SMURF1: variants seen among roughly 807,000 people sequenced by gnomAD.
The protein encoded by SMURF1 is SMAD specific E3 ubiquitin protein ligase 1.
Under a neutral mutation model 98.0 loss-of-function variants are expected in SMURF1, and 44 were observed. That is an observed-to-expected ratio of 0.45 (90% CI 0.35 to 0.58). The LOEUF (loss-of-function observed/expected upper bound fraction) is 0.58. Among genes scored for constraint, SMURF1 ranks in the 20% least tolerant of loss-of-function variants. The pLI, the probability that SMURF1 is intolerant of heterozygous loss-of-function variation, is 0.00. For missense variants in SMURF1, 687 were observed against 938.4 expected (o/e 0.73, Z 3.50); for synonymous variants, 396 against 374.9 (o/e 1.06, Z -0.65).
chr7:99,104,002 C>T (rs1292141137), intron 1 of SMURF1, among the ~76,000 whole-genome samples: 7 of 151,746 alleles, frequency 4.6e-5, no homozygotes, highest in South Asian at 2.1e-4. Context: ...AAGCAATTCT[C>T]GTGCCTCAGC....
chr7:99,040,627 C>G, intron 12 of SMURF1, 71 bp from the exon 13 acceptor site: 1 of 1,330,840 alleles, frequency 7.5e-7, no homozygotes, highest in Non-Finnish European at 9.7e-7. Context: ...CGTGCTGTCC[C>G]CAAGCTTCTT....
chr7:99,102,178 T>C (rs1797099008), intron 1 of SMURF1, among the ~76,000 whole-genome samples: 1 of 152,148 alleles, frequency 6.6e-6, no homozygotes, highest in African/African-American at 2.4e-5. Flanking sequence ...CTATACATAG[T>C]AACATGGAAT....
At position 99,051,404 on chromosome 7, in the gene SMURF1, C is replaced by G. The variant is rs746214341; in HGVS notation, c.759G>C (p.Leu253Phe). Residue 253 changes from leucine (L) to phenylalanine (F), a missense_variant, in exon 8 of 18, where the codon TTG (leucine) becomes TTC (phenylalanine). This residue lies in a region of SMURF1 where 415 missense variants were observed against 508.4 expected (regional missense o/e 0.82). Transcript: ENST00000361368. ...ACGTGCTAACTCCAGTCTGTGTATG[C>G]AAAAAGTAAACTTGGCCCTGGACTG... is the stretch of plus-strand genomic sequence containing the variant. ...RTTVQGQVYF[L>F]HTQTGVSTWH... 6.2e-7 allele frequency: 1 copy of G among 1,614,090 alleles called. No individual in the cohort carries two copies. Among genetic ancestry groups the G allele is most frequent in the Non-Finnish European group, 8.5e-7 (1 of 1,180,000 alleles).
intron 1 of SMURF1, among the ~76,000 whole-genome samples, chr7:99,068,996 C>T (rs559492189): frequency 6.6e-6 from 1 of 152,280 alleles, no homozygotes; most frequent in Non-Finnish European, 1.5e-5. Flanking sequence ...AAAATAAGGA[C>T]AATGTAAGCG....
intron 5 of SMURF1, among the ~76,000 whole-genome samples, chr7:99,056,072 G>A (rs1795869644): frequency 6.6e-6 from 1 of 152,198 alleles, no homozygotes; most frequent in Non-Finnish European, 1.5e-5. Flanking sequence ...CTTTTATAAA[G>A]TTGTTTTCAG....
At chr7:99,033,224 C>G in intron 16 of SMURF1, 103 bp from the exon 17 acceptor site, 1 of 1,135,190 alleles carries the variant, frequency 8.8e-7, no homozygotes, top group Non-Finnish European at 1.3e-6. Flanking sequence ...TTCCCACCCC[C>G]ACACCCAGGC....
Position 99,049,665 on chromosome 7 carries a change from G to T in SMURF1, c.851C>A (p.Pro284Gln). 6.2e-7 allele frequency: 1 copy of T among 1,614,160 alleles called. No homozygotes were observed. The highest frequency in any genetic ancestry group is 8.5e-7 in the Non-Finnish European group (1 of 1,180,004). The change falls in exon 9 of 18, where the codon CCA (proline) becomes CAA (glutamine). Residue 284 changes from proline to glutamine, a missense_variant. Around this residue, in one of 2 missense-constraint regions of SMURF1, gnomAD observed 415 missense variants for 508.4 expected, o/e 0.82. Coordinates refer to ENST00000361368, the MANE Select transcript of SMURF1 (RefSeq NM_181349.3). The part of the protein sequence containing the change: ...VNCDELGPLP[P>Q]GWEVRSTVSG... ...AACTGTACTTCTGACTTCCCAGCCT[G>T]GCGGCAGTGGTCCAAGTTCATCACA...
At chr7:99,079,362 TAA>T (rs1466102959) in intron 1 of SMURF1, among the ~76,000 whole-genome samples, 6 of 152,158 alleles carry the variant, frequency 3.9e-5, no homozygotes, top group African/African-American at 1.4e-4. Context: ...GTACACAGCA[TAA>T]GAGTCCCTCC....
chr7:99,091,536 G>A (rs571397265), intron 1 of SMURF1, among the ~76,000 whole-genome samples: 34 of 152,272 alleles, frequency 2.2e-4, no homozygotes, highest in African/African-American at 7.9e-4. Context: ...GGAAGGTGTG[G>A]ACAGCTAGAA....
chr7:99,047,328 ACAT>A (rs1795615544), intron 10 of SMURF1, among the ~76,000 whole-genome samples: 1 of 152,176 alleles, frequency 6.6e-6, no homozygotes, highest in Non-Finnish European at 1.5e-5. Flanking sequence ...TATTTAACCC[ACAT>A]CATGTAGACA....
intron 9 of SMURF1, 88 bp downstream of exon 9, chr7:99,049,473 GAC>G: frequency 7.7e-7 from 1 of 1,304,256 alleles, no homozygotes; most frequent in Non-Finnish European, 1.1e-6. Context: ...CAACCAGCAA[GAC>G]AGTCAATAAA....
chr7:99,134,639 T>G (rs1797946783), intron 1 of SMURF1, among the ~76,000 whole-genome samples: 1 of 152,166 alleles, frequency 6.6e-6, no homozygotes, highest in Non-Finnish European at 1.5e-5. Context: ...CTTAAAAAAG[T>G]TCATGGCAAA....
chr7:99,031,942 A>AC (rs1794906683), intron 17 of SMURF1, among the ~76,000 whole-genome samples: 2 of 152,216 alleles, frequency 1.3e-5, no homozygotes, highest in Non-Finnish European at 2.9e-5. Context: ...TTGTATTTGT[A>AC]AACCATACAG....
intron 1 of SMURF1, among the ~76,000 whole-genome samples, chr7:99,086,597 C>G (rs1796686154): frequency 6.6e-6 from 1 of 152,102 alleles, no homozygotes; most frequent in Non-Finnish European, 1.5e-5. Context: ...TATGGTCACA[C>G]AAAATCTTAC....
intron 13 of SMURF1, 150 bp from the exon 14 acceptor site, chr7:99,038,675 C>A: frequency 1.2e-6 from 1 of 808,942 alleles, no homozygotes; most frequent in Non-Finnish European, 1.9e-6. Context: ...GGTGGCACAG[C>A]AACAGGTGCT....
chr7:99,087,006 G>A, intron 1 of SMURF1, among the ~76,000 whole-genome samples: 1 of 152,078 alleles, frequency 6.6e-6, no homozygotes, highest in Non-Finnish European at 1.5e-5. Context: ...ACAATTCTGT[G>A]GATATACGGA....
chr7:99,031,820 G>C (rs550802383), intron 17 of SMURF1, among the ~76,000 whole-genome samples: 2 of 152,166 alleles, frequency 1.3e-5, no homozygotes, highest in Non-Finnish European at 2.9e-5. Context: ...TCCAAGACAG[G>C]AACCTTCCAT....
At position 99,030,227 on chromosome 7, in the gene SMURF1, C is replaced by G. The variant is rs1794827129; in HGVS notation, c.*357G>C. 4.7e-6 allele frequency: 1 copy of G among 213,088 alleles called. No individual in the cohort carries two copies. Among genetic ancestry groups the G allele is most frequent in the South Asian group, 9.2e-5 (1 of 10,832 alleles). The allele number at this position is 213,088 out of a possible 1,614,324, so 13.2% of individuals were successfully genotyped here. On this transcript the variant is annotated 3_prime_UTR_variant, in exon 18 of 18. Coordinates refer to ENST00000361368, the MANE Select transcript of SMURF1 (RefSeq NM_181349.3). ...ACCCTCAATCAGCCACGCCCAGTCC[C>G]CTAACTGTGAGTTGATGCTCCCGTA...
intron 1 of SMURF1, among the ~76,000 whole-genome samples, chr7:99,126,369 T>C (rs919062503): frequency 3.0e-4 from 46 of 151,920 alleles, no homozygotes; most frequent in African/African-American, 1.0e-3. Context: ...TTTTTAATTA[T>C]GGGCTGGGCT....
Sources: gnomAD v4.1 joint callset for allele counts (sites outside exome capture counted in the v4.1 genomes callset) on GRCh38, gnomAD v4.1.1 for gene constraint, gnomAD v4.1.1 regional missense constraint, MANE v1.5 for transcripts, NCBI Gene and HGNC (gene_info 2026-07-23, HGNC 2026-07-21) for gene names.